Variants in TRPA1 observed in about 807,000 individuals in gnomAD.
TRPA1 encodes ankyrin-like with transmembrane domains 1.
A neutral mutation model predicts 131.3 loss-of-function variants in TRPA1; 129 were observed. The observed-to-expected ratio is 0.98, with a 90% CI of 0.85 to 1.14. The LOEUF (loss-of-function observed/expected upper bound fraction) is 1.14. TRPA1 is among the 50% of genes most tolerant of loss of function. The pLI is 0.00. For missense variants in TRPA1, 1,304 were observed against 1,354.2 expected (o/e 0.96, Z 0.58); for synonymous variants, 441 against 451.7 (o/e 0.98, Z 0.30).
intron 1 of TRPA1, among the ~76,000 whole-genome samples, chr8:72,072,689 C>G (rs1806092015): frequency 6.6e-6 from 1 of 152,116 alleles, no homozygotes; most frequent in Non-Finnish European, 1.5e-5. Flanking sequence ...TGGCCTAAAT[C>G]TATTTGGAAG....
intron 9 of TRPA1, 96 bp downstream of exon 9, chr8:72,057,621 G>T: frequency 1.1e-6 from 1 of 942,964 alleles, no homozygotes; most frequent in Non-Finnish European, 1.7e-6. Context: ...ACAATAGATG[G>T]TGGCACACAA....
In TRPA1 at chr8:72,065,440, A is replaced by T; in HGVS notation, c.552+11T>A. The stretch of plus-strand genomic sequence containing the variant: ...ATAAAGAAAGCAGACAGATATGACA[A>T]ATATACAAACCAAAATCTGCAATGC... On this transcript the variant is annotated intron_variant, in intron 4 of 26. Coordinates refer to ENST00000262209, the MANE Select transcript of TRPA1 (RefSeq NM_007332.3). 1 of 1,602,870 alleles carries T rather than the reference A, an allele frequency of 6.2e-7. No individual in the cohort carries two copies. The highest frequency in any genetic ancestry group is 8.5e-7 in the Non-Finnish European group (1 of 1,170,314).
intron 1 of TRPA1, among the ~76,000 whole-genome samples, chr8:72,074,024 A>G (rs1439875344): frequency 6.6e-6 from 1 of 152,208 alleles, no homozygotes; most frequent in Non-Finnish European, 1.5e-5. Context: ...AATTCCTGCA[A>G]CCTGCTTAGA....
At chr8:72,060,858 TTC>T (rs1805791694) in intron 7 of TRPA1, among the ~76,000 whole-genome samples, 1 of 137,300 alleles carries the variant, frequency 7.3e-6, no homozygotes, top group South Asian at 2.4e-4. Context: ...TAGCTATAGT[TTC>T]TTTTTTTTTT....
At chr8:72,033,145 C>T (rs964819547) in intron 23 of TRPA1, among the ~76,000 whole-genome samples, 12 of 152,186 alleles carry the variant, frequency 7.9e-5, no homozygotes, top group African/African-American at 2.9e-4. Context: ...CCACTTGAAT[C>T]TCTGGTCAAT....
chr8:72,069,241 T>C (rs1173512477), intron 2 of TRPA1, 43 bp from the exon 3 acceptor site: 1 of 1,596,524 alleles, frequency 6.3e-7, no homozygotes, highest in Non-Finnish European at 8.6e-7. Flanking sequence ...TTGCTTAGAC[T>C]GTATTCAACA....
In TRPA1 at chr8:72,029,951, C is replaced by T. The variant is rs867812306; in HGVS notation, c.2887G>A (p.Asp963Asn). The T allele has an allele frequency of 1.5e-5, 24 of 1,613,920 alleles. No individual in the cohort carries two copies. Among genetic ancestry groups the T allele is most frequent in the Non-Finnish European group, 1.9e-5 (23 of 1,179,838 alleles). ...GCATGTTTCTGGACCTCAGCAATGT[C>T]GCCAACTGCCAAACCAATCTGAAGT... ...MNLLIGLAVG[D>N]IAEVQKHASL... Residue 963 changes from aspartate to asparagine, a missense_variant, in exon 24 of 27, where the codon GAC becomes AAC. Coordinates refer to ENST00000262209, the MANE Select transcript of TRPA1 (RefSeq NM_007332.3).
intron 2 of TRPA1, among the ~76,000 whole-genome samples, 195 bp downstream of exon 2, chr8:72,071,516 G>A (rs1386961264): frequency 2.0e-5 from 3 of 152,156 alleles, no homozygotes; most frequent in African/African-American, 4.8e-5. Flanking sequence ...CTAGATCTCT[G>A]TAATATGCTT....
At chr8:72,075,935 A>G (rs1806175135), upstream of TRPA1, among the ~76,000 whole-genome samples, 2 of 151,014 alleles carry the variant, frequency 1.3e-5, no homozygotes, top group South Asian at 4.2e-4. Flanking sequence ...GTGTAAAGAG[A>G]GAGGAAGAGG....
At chr8:72,087,769 C>T in the TRPA1 span, among the ~76,000 whole-genome samples, 1 of 151,972 alleles carries the variant, frequency 6.6e-6, no homozygotes, top group East Asian at 1.9e-4. Flanking sequence ...GTCCTATTAA[C>T]CTCATTTTCT....
chr8:72,053,663 G>T, intron 13 of TRPA1, 90 bp downstream of exon 13: 1 of 915,508 alleles, frequency 1.1e-6, no homozygotes, highest in South Asian at 1.4e-5. Context: ...GAGCAAGGAA[G>T]GTAAAAGGTG....
intron 15 of TRPA1, among the ~76,000 whole-genome samples, chr8:72,050,521 AG>A (rs1805474680): frequency 6.6e-6 from 1 of 152,184 alleles, no homozygotes; most frequent in South Asian, 2.1e-4. Flanking sequence ...AACAAACACC[AG>A]TTTGTAGTCT....
chr8:72,032,437 G>A (rs543669826), intron 23 of TRPA1, among the ~76,000 whole-genome samples: 97 of 152,312 alleles, frequency 6.4e-4, no homozygotes, highest in Non-Finnish European at 1.3e-3. Flanking sequence ...AAACGTGGGA[G>A]AGTGAAATAG....
chr8:72,030,889 G>A (rs1842663), intron 23 of TRPA1, among the ~76,000 whole-genome samples: 95,527 of 152,060 alleles, frequency 0.63, 30,303 homozygotes, highest in Admixed American at 0.74. Context: ...GTTCTACTCA[G>A]TCTGATGAAA....
At chr8:72,039,230 A>G (rs1461806679) in intron 18 of TRPA1, among the ~76,000 whole-genome samples, 1 of 152,040 alleles carries the variant, frequency 6.6e-6, no homozygotes, top group Non-Finnish European at 1.5e-5. Context: ...CGACTTAACA[A>G]ATTAATGAAA....
In TRPA1 at chr8:72,022,769, T is replaced by C; in HGVS notation, c.*137A>G. The stretch of plus-strand genomic sequence containing the variant: ...TAGAGGATAAAAGATGGTTTACTTT[T>C]ATACAGCATGCAGGAACCATGATTT... On this transcript the variant is annotated 3_prime_UTR_variant, in exon 27 of 27. Coordinates refer to ENST00000262209, the MANE Select transcript of TRPA1 (RefSeq NM_007332.3). The C allele has an allele frequency of 2.4e-6, 2 of 816,546 alleles. No homozygotes were observed. Among genetic ancestry groups the C allele is most frequent in the South Asian group, 1.4e-5 (1 of 69,296 alleles). The allele number at this position is 816,546 out of a possible 1,614,324, so 50.6% of individuals were successfully genotyped here.
chr8:72,040,483 C>G (rs1812215707), intron 17 of TRPA1, among the ~76,000 whole-genome samples: 1 of 152,076 alleles, frequency 6.6e-6, no homozygotes, highest in Admixed American at 6.6e-5. Flanking sequence ...AATGCATGGC[C>G]TTTACATGCC....
At chr8:72,060,895 C>T (rs1472471374) in intron 7 of TRPA1, among the ~76,000 whole-genome samples, 2 of 148,882 alleles carry the variant, frequency 1.3e-5, no homozygotes, top group Non-Finnish European at 1.5e-5. Flanking sequence ...CTGTAGAATT[C>T]CAGGTCCAGT....
In TRPA1 at chr8:72,033,827, C is replaced by T; in HGVS notation, c.2686-1G>A. ...AAAGCAATGGAGAGCTGAAGGGATC[C>T]TGAAAGCAGACGGTGAGGTACAAAT... On this transcript the variant is annotated splice_acceptor_variant, in intron 22 of 26. Coordinates refer to ENST00000262209, the MANE Select transcript of TRPA1 (RefSeq NM_007332.3). LOFTEE classifies it high-confidence loss of function. 6.2e-7 allele frequency: 1 copy of T among 1,613,748 alleles called. No individual in the cohort carries two copies. The highest frequency in any genetic ancestry group is 8.5e-7 in the Non-Finnish European group (1 of 1,179,810).
Sources: allele counts gnomAD v4.1 joint callset (sites outside exome capture counted in the v4.1 genomes callset), GRCh38; gene constraint gnomAD v4.1.1; transcripts MANE v1.5; gene names NCBI Gene and HGNC (gene_info 2026-07-23, HGNC 2026-07-21).